Variants in PTPN2 observed in about 807,000 individuals in gnomAD.
PTPN2 encodes protein tyrosine phosphatase non-receptor type 2.
In PTPN2, 19 loss-of-function variants were observed where a neutral mutation model predicts 57.3. That is an observed-to-expected ratio of 0.33 (90% CI 0.23 to 0.49). The LOEUF (loss-of-function observed/expected upper bound fraction) is 0.49. PTPN2 is among the 20% of genes least tolerant of loss of function. PTPN2 has a pLI of 0.99. For missense variants in PTPN2, 358 were observed against 501.1 expected, an observed-to-expected ratio of 0.71 and a Z score of 2.73; for synonymous variants, 153 against 164.9, an observed-to-expected ratio of 0.93 and a Z score of 0.55.
chr18:12,871,237 G>C (rs1235710521), intron 1 of PTPN2, among the ~76,000 whole-genome samples: 1 of 152,146 alleles, frequency 6.6e-6, no homozygotes, highest in Admixed American at 6.5e-5. Context: ...GGTTTTAGCT[G>C]TTATAAATAA....
chr18:12,822,950 A>T (rs1422160585), intron 5 of PTPN2, among the ~76,000 whole-genome samples: 1 of 152,192 alleles, frequency 6.6e-6, no homozygotes, highest in Non-Finnish European at 1.5e-5. Context: ...CATTTTATAG[A>T]TGATAAAACA....
Position 12,794,282 on chromosome 18 carries a change from A to G in PTPN2, c.1244T>C (p.Leu415Pro). The G allele has an allele frequency of 6.2e-7, 1 of 1,614,212 alleles. No homozygotes were observed. Among genetic ancestry groups the G allele is most frequent in the Non-Finnish European group, 8.5e-7 (1 of 1,180,026 alleles). ...GWTLFFQQNA[L>P] is the part of the protein sequence containing the mutation. ...TTGCTGGGCAAAATTAATTGTTTAT[A>G]GGGCATTTTGCTGAAAAAACAGTGT... Residue 415 changes from leucine to proline, a missense_variant, in exon 9 of 9, where the codon CTA becomes CCA. Physicochemically the swap from Leu to Pro is moderately conservative, Grantham distance 98. Coordinates refer to ENST00000309660, the MANE Select transcript of PTPN2 (RefSeq NM_002828.4).
chr18:12,859,309 C>G, intron 1 of PTPN2, 55 bp from the exon 2 acceptor site: 1 of 1,212,804 alleles, frequency 8.2e-7, no homozygotes, highest in South Asian at 1.3e-5. Context: ...CACAGCAAAA[C>G]TTATCTTCCC....
At chr18:12,824,186 C>A (rs1168411667) in intron 5 of PTPN2, among the ~76,000 whole-genome samples, 1 of 152,052 alleles carries the variant, frequency 6.6e-6, no homozygotes, top group African/African-American at 2.4e-5. Flanking sequence ...AGAGTTGGGA[C>A]AAAATAAATA....
rs2044163950 is a variant in PTPN2, at chr18:12,870,321, G to GTATATATACATATATATGTA, written c.70-11068_70-11067insTACATATATATGTATATATA. On this transcript the variant is annotated intron_variant, in intron 1 of 8. Coordinates refer to ENST00000309660, the MANE Select transcript of PTPN2 (RefSeq NM_002828.4). ...TATGTGTATATATACATATATATGTGTATATATATGTATATATATACATAT... is the reference window on the plus strand; with the variant it reads ...TATGTGTATATATACATATATATGTGTATATATACATATATATGTATATATATATGTATATATATACATAT... 2.9e-4 allele frequency among the ~76,000 whole-genome samples: 12 copies of GTATATATACATATATATGTA among 40,986 alleles called. 2 individuals carry two copies. The East Asian group carries it at 0.015, about 50-fold the overall frequency. 26.9% of individuals were successfully genotyped at this position (40,986 alleles called of 152,430 possible).
At chr18:12,856,750 T>C (rs888400608) in intron 2 of PTPN2, among the ~76,000 whole-genome samples, 1 of 152,146 alleles carries the variant, frequency 6.6e-6, no homozygotes, top group Admixed American at 6.6e-5. Context: ...AAATAAAACA[T>C]CTCAATTCCA....
intron 1 of PTPN2, among the ~76,000 whole-genome samples, chr18:12,866,165 G>A (rs568340498): frequency 7.9e-5 from 12 of 152,292 alleles, no homozygotes; most frequent in Admixed American, 3.9e-4. Context: ...CCAGCCGGGC[G>A]CGGTGGCTCA....
chr18:12,805,534 C>T (rs144435431), intron 7 of PTPN2, among the ~76,000 whole-genome samples: 23 of 151,690 alleles, frequency 1.5e-4, no homozygotes, highest in African/African-American at 4.8e-4. Context: ...TGTGCCTCAA[C>T]ACAAAGCCAC....
chr18:12,832,331 G>A (rs2042699568), intron 3 of PTPN2, among the ~76,000 whole-genome samples: 1 of 152,104 alleles, frequency 6.6e-6, no homozygotes, highest in Admixed American at 6.5e-5. Context: ...TGGCCAGGTT[G>A]GTCTCGAACT....
intron 2 of PTPN2, 146 bp from the exon 3 acceptor site, chr18:12,837,037 T>A (rs1161557506): frequency 3.3e-6 from 2 of 597,432 alleles, no homozygotes; most frequent in African/African-American, 3.8e-5. Flanking sequence ...AATCCTAAAC[T>A]ATTCTCTACT....
At chr18:12,882,709 T>C (rs2044702563) in intron 1 of PTPN2, among the ~76,000 whole-genome samples, 1 of 152,244 alleles carries the variant, frequency 6.6e-6, no homozygotes, top group South Asian at 2.1e-4. Context: ...TATTCTAACA[T>C]ACTCTGTATC....
chr18:12,813,338 CATG>C (rs1287146571), intron 7 of PTPN2, among the ~76,000 whole-genome samples: 1 of 152,208 alleles, frequency 6.6e-6, no homozygotes, highest in African/African-American at 2.4e-5. Flanking sequence ...TGAAGCAGGA[CATG>C]TTCTAATGGG....
rs79388515 is a variant in PTPN2, at chr18:12,820,641, C to A, written c.496-3276G>T. ...TCTTCTCCTTGGTCACCGAGTCACA[C>A]TACTTCTCCTCTGGTCCCCAGCTGC... On this transcript the variant is annotated intron_variant, in intron 5 of 8. Transcript: ENST00000309660. Among the ~76,000 whole-genome samples, 273 of 152,330 alleles carry A rather than the reference C, an allele frequency of 1.8e-3. 2 individuals carry two copies. The highest frequency in any genetic ancestry group is 2.8e-3 in the Non-Finnish European group (188 of 68,030).
In PTPN2 at chr18:12,794,449, G is replaced by A. The variant is rs1212071494; in HGVS notation, c.1077C>T (p.Ala359=). 6.2e-7 allele frequency: 1 copy of A among 1,613,898 alleles called. No homozygotes were observed. The change falls in exon 9 of 9, where the codon GCC becomes GCT. Residue 359 remains alanine, a synonymous_variant. Transcript: ENST00000309660. ...LRKRIREDRK[A]TTAQKVQQMK... ...TCTGCTGCACCTTCTGAGCTGTGGT[G>A]GCCTTTCTGTCCTCTCGAATACGTT...
intron 7 of PTPN2, among the ~76,000 whole-genome samples, chr18:12,809,063 T>C (rs776438471): frequency 6.6e-6 from 1 of 152,160 alleles, no homozygotes; most frequent in Non-Finnish European, 1.5e-5. Context: ...TGGTTGTGTC[T>C]ATCAGGTACG....
intron 4 of PTPN2, among the ~76,000 whole-genome samples, chr18:12,829,356 C>T (rs755775217): frequency 1.3e-5 from 2 of 151,812 alleles, no homozygotes; most frequent in Non-Finnish European, 2.9e-5. Flanking sequence ...TCTACAAAAA[C>T]TAGCTGGGCA....
In PTPN2 at chr18:12,794,180, GT is replaced by G; in HGVS notation, c.*97del. 6.4e-7 allele frequency: 1 copy of G among 1,553,914 alleles called. No individual in the cohort carries two copies. ...TGGTTGATGTCTATTCTACTGCACC[GT>G]TTTTGGGATATGAGGCGTTTGCTGC... On this transcript the variant is annotated 3_prime_UTR_variant, in exon 9 of 9. Coordinates refer to ENST00000309660, the MANE Select transcript of PTPN2 (RefSeq NM_002828.4).
intron 1 of PTPN2, among the ~76,000 whole-genome samples, chr18:12,876,584 C>T (rs891167555): frequency 2.0e-5 from 3 of 152,332 alleles, no homozygotes; most frequent in Admixed American, 2.0e-4. Flanking sequence ...AATCTATAAA[C>T]ACATGTCAAA....
At chr18:12,841,371 G>A (rs1452665385) in intron 2 of PTPN2, among the ~76,000 whole-genome samples, 1 of 152,226 alleles carries the variant, frequency 6.6e-6, no homozygotes, top group Non-Finnish European at 1.5e-5. Flanking sequence ...TTCTTTAAAG[G>A]ACTGGTATAA....
Sources: gnomAD v4.1 joint callset for allele counts (sites outside exome capture counted in the v4.1 genomes callset) on GRCh38, gnomAD v4.1.1 for gene constraint, MANE v1.5 for transcripts, NCBI Gene and HGNC (gene_info 2026-07-23, HGNC 2026-07-21) for gene names.